The following PRR5 variants were observed in gnomAD, a reference collection of about 807,000 sequenced individuals.
The protein encoded by PRR5 is proline rich 5.
A neutral mutation model predicts 30.6 loss-of-function variants in PRR5; 25 were observed. That is an observed-to-expected ratio of 0.82 (90% CI 0.60 to 1.14). The LOEUF is 1.14. Ranked by LOEUF, PRR5 falls within the 50% of genes most tolerant of loss-of-function variation. The pLI is 0.00. For missense variants in PRR5, 600 were observed against 547.1 expected (o/e 1.10, Z -0.96); for synonymous variants, 286 against 247.1 (o/e 1.16, Z -1.48).
In PRR5 at chr22:44,737,438, G is replaced by T; in HGVS notation, c.*191G>T. On this transcript the variant is annotated 3_prime_UTR_variant, in exon 8 of 8. Coordinates refer to ENST00000336985, the MANE Select transcript of PRR5 (RefSeq NM_181333.4). ...CATCAGCCTTCCTTGCTCGGCCCAG[G>T]TCTGTTTCAGGCATCTGAGTCGGCG... 8.1e-7 allele frequency: 1 copy of T among 1,240,192 alleles called. No individual in the cohort carries two copies. Among genetic ancestry groups the T allele is most frequent in the South Asian group, 1.7e-5 (1 of 57,548 alleles). The allele number at this position is 1,240,192 out of a possible 1,614,324, so 76.8% of individuals were successfully genotyped here.
chr22:44,720,546 G>A (rs1478236561), intron 2 of PRR5, among the ~76,000 whole-genome samples: 1 of 152,184 alleles, frequency 6.6e-6, no homozygotes, highest in African/African-American at 2.4e-5. Context: ...CCAGGTGCTG[G>A]CAGCTGCCAA....
chr22:44,717,189 C>CTTTTTTTTT (rs57193514), intron 2 of PRR5, among the ~76,000 whole-genome samples: 1 of 116,756 alleles, frequency 8.6e-6, no homozygotes, highest in Non-Finnish European at 1.7e-5. Context: ...CCCCCTTACC[C>CTTTTTTTTT]TTTTTTTTTT....
chr22:44,696,104 A>C (rs932494666), intron 1 of PRR5, among the ~76,000 whole-genome samples: 4 of 151,548 alleles, frequency 2.6e-5, no homozygotes, highest in Non-Finnish European at 4.4e-5. Context: ...TTGTATTTTT[A>C]GTAGAGATGG....
chr22:44,687,360 G>GT (rs11383329), intron 1 of PRR5, among the ~76,000 whole-genome samples: 140,732 of 152,264 alleles, frequency 0.92, 65,256 homozygotes, highest in African/African-American at 0.98. Flanking sequence ...TATCCAGAGC[G>GT]TTTTATAATT....
intron 1 of PRR5, among the ~76,000 whole-genome samples, chr22:44,693,027 AC>A (rs1925423610): frequency 6.6e-6 from 1 of 151,868 alleles, no homozygotes; most frequent in Admixed American, 6.6e-5. Context: ...TCAGGGTGGG[AC>A]CTTTCCCCAT....
chr22:44,714,440 G>C, intron 1 of PRR5, 151 bp from the exon 2 acceptor site: 2 of 1,102,906 alleles, frequency 1.8e-6, no homozygotes, highest in Non-Finnish European at 2.6e-6. Flanking sequence ...TGGGGGTGCA[G>C]GGCCTCGGAG....
rs574067487 is a variant in PRR5, at chr22:44,713,685, C to T, written c.135-906C>T. ...CCGGCTGCCACAGCTACCTTCCCAT[C>T]ACACCAGTCACGTTGAGCAGTTGTA... On this transcript the variant is annotated intron_variant, in intron 1 of 7. Transcript: ENST00000336985. Among the ~76,000 whole-genome samples the T allele has an allele frequency of 3.3e-5, 5 of 152,098 alleles. No individual in the cohort carries two copies. The South Asian group carries it at 1.0e-3, about 32-fold the overall frequency.
At chr22:44,731,547 A>T in intron 4 of PRR5, 183 bp from the exon 5 acceptor site, 1 of 615,814 alleles carries the variant, frequency 1.6e-6, no homozygotes, top group South Asian at 1.9e-5. Context: ...ACTGAGGTTA[A>T]GCAGTGGGCC....
At chr22:44,688,350 T>C (rs947185089) in intron 1 of PRR5, among the ~76,000 whole-genome samples, 24 of 151,988 alleles carry the variant, frequency 1.6e-4, no homozygotes, top group Admixed American at 9.8e-4. Flanking sequence ...CACCACTGCA[T>C]TCCAGCCTGG....
At chr22:44,696,491 G>A (rs1220230459) in intron 1 of PRR5, among the ~76,000 whole-genome samples, 1 of 152,154 alleles carries the variant, frequency 6.6e-6, no homozygotes, top group Non-Finnish European at 1.5e-5. Flanking sequence ...TGTGACGTCT[G>A]GTGTATTAAG....
At chr22:44,731,608 G>A (rs1921975246) in intron 4 of PRR5, 122 bp from the exon 5 acceptor site, 2 of 918,504 alleles carry the variant, frequency 2.2e-6, no homozygotes, top group African/African-American at 1.6e-5. Flanking sequence ...CCTTGGGCAG[G>A]TGCTGCCAGG....
chr22:44,671,023 G>A (rs539212654), intron 1 of PRR5, among the ~76,000 whole-genome samples: 1 of 152,136 alleles, frequency 6.6e-6, no homozygotes, highest in Non-Finnish European at 1.5e-5. Context: ...CCTTCCCCAG[G>A]CCCCACAGAT....
At chr22:44,723,939 A>G (rs1930310370) in intron 2 of PRR5, among the ~76,000 whole-genome samples, 1 of 152,216 alleles carries the variant, frequency 6.6e-6, no homozygotes. Flanking sequence ...TGAACTGCTG[A>G]CAGATACTTA....
At chr22:44,680,470 G>C (rs1439190859) in intron 1 of PRR5, among the ~76,000 whole-genome samples, 1 of 152,170 alleles carries the variant, frequency 6.6e-6, no homozygotes, top group Non-Finnish European at 1.5e-5. Context: ...TCCCTGCCTG[G>C]TGGGGCAGCA....
intron 1 of PRR5, among the ~76,000 whole-genome samples, chr22:44,696,638 A>C (rs1218950308): frequency 6.6e-6 from 1 of 152,186 alleles, no homozygotes; most frequent in Non-Finnish European, 1.5e-5. Context: ...CTGGTAGCTC[A>C]GCTGGTCAAG....
intron 6 of PRR5, 162 bp from the exon 7 acceptor site, chr22:44,734,865 G>A (rs1922902925): frequency 1.5e-5 from 14 of 949,534 alleles, no homozygotes; most frequent in Non-Finnish European, 2.2e-5. Context: ...GAGAGGGGCT[G>A]GGAGGCCACC....
Position 44,737,655 on chromosome 22 carries a change from G to A in PRR5, c.*408G>A. On this transcript the variant is annotated 3_prime_UTR_variant, in exon 8 of 8. Transcript: ENST00000336985. ...CCTGGGGTGGCCATGGGGATGGAAG[G>A]GGGTGGAATAAAACCTGTCAACCTG... 1.0e-5 allele frequency: 2 copies of A among 193,424 alleles called. No homozygotes were observed. Among genetic ancestry groups the A allele is most frequent in the Non-Finnish European group, 2.1e-5 (2 of 93,072 alleles). The allele number at this position is 193,424 out of a possible 1,614,324, so 12.0% of individuals were successfully genotyped here.
chr22:44,714,810 A>G, intron 2 of PRR5, 139 bp downstream of exon 2: 1 of 1,196,114 alleles, frequency 8.4e-7, no homozygotes, highest in Non-Finnish European at 1.1e-6. Flanking sequence ...TCAACAGGAG[A>G]GCGAGGCCCA....
intron 3 of PRR5, among the ~76,000 whole-genome samples, chr22:44,726,364 C>A (rs566416834): frequency 6.6e-6 from 1 of 152,226 alleles, no homozygotes; most frequent in Admixed American, 6.5e-5. Flanking sequence ...GTGACCACCT[C>A]CTGTCTCGTG....
Sources: gnomAD v4.1 joint callset for allele counts (sites outside exome capture counted in the v4.1 genomes callset) on GRCh38, gnomAD v4.1.1 for gene constraint, MANE v1.5 for transcripts, NCBI Gene and HGNC (gene_info 2026-07-23, HGNC 2026-07-21) for gene names.